GRAMD1B: variants seen among roughly 807,000 people sequenced by gnomAD.
GRAMD1B encodes the protein protein Aster-B.
In GRAMD1B, 37 loss-of-function variants were observed where a neutral mutation model predicts 99.7. The ratio of observed to expected loss-of-function variants is 0.37; its 90% CI spans 0.29 to 0.49. The LOEUF is 0.49. GRAMD1B is among the 20% of genes least tolerant of loss of function. The probability of loss-of-function intolerance (pLI) is 0.98; values close to 1 mark genes in which losing one functional copy is unlikely to be tolerated. For missense variants in GRAMD1B, 888 were observed against 1,009.2 expected, an observed-to-expected ratio of 0.88 and a Z score of 1.63; for synonymous variants, 427 against 387.6, an observed-to-expected ratio of 1.10 and a Z score of -1.19.
At chr11:123,618,188 T>G (rs1484868676) in intron 17 of GRAMD1B, among the ~76,000 whole-genome samples, 3 of 152,202 alleles carry the variant, frequency 2.0e-5, no homozygotes, top group Admixed American at 1.3e-4. Flanking sequence ...CTGTCCTTGC[T>G]GGGTCGTCTC....
chr11:123,484,155 A>C (rs1327110904), intron 2 of GRAMD1B, among the ~76,000 whole-genome samples: 1 of 152,156 alleles, frequency 6.6e-6, no homozygotes, highest in Non-Finnish European at 1.5e-5. Context: ...CTGTGCACCA[A>C]ACATCTCCAG....
intron 1 of GRAMD1B, among the ~76,000 whole-genome samples, chr11:123,392,147 C>T (rs1356930955): frequency 6.6e-6 from 1 of 152,002 alleles, no homozygotes. Flanking sequence ...GTGTGGTACA[C>T]TTGAAGAACA....
At chr11:123,620,472 CAAAAAAAAAAAA>C (rs55787871) in intron 19 of GRAMD1B, among the ~76,000 whole-genome samples, 1 of 69,232 alleles carries the variant, frequency 1.4e-5, no homozygotes, top group Non-Finnish European at 2.5e-5. Flanking sequence ...GACTTCATCT[CAAAAAAAAAAAA>C]AAAAAAAAAA....
chr11:123,495,552 C>A (rs973109811), intron 2 of GRAMD1B, among the ~76,000 whole-genome samples: 2 of 152,168 alleles, frequency 1.3e-5, no homozygotes, highest in African/African-American at 2.4e-5. Flanking sequence ...CACTTCCCCC[C>A]ACTTTTCCAC....
At chr11:123,576,263 CA>C (rs1025069169) in intron 2 of GRAMD1B, among the ~76,000 whole-genome samples, 19 of 152,352 alleles carry the variant, frequency 1.2e-4, no homozygotes, top group African/African-American at 4.3e-4. Context: ...ATGCAGCCTG[CA>C]GGGGGGTCCA....
rs182652861 is a variant in GRAMD1B at position 123,487,606 on chromosome 11, G to C, written c.452+6713G>C. 8.5e-4 allele frequency among the ~76,000 whole-genome samples: 129 copies of C among 152,186 alleles called. 1 individual carries two copies. The highest frequency in any genetic ancestry group is 6.8e-3 in the Middle Eastern group (2 of 294). On this transcript the variant is annotated intron_variant, in intron 2 of 19. Transcript: ENST00000635736. ...ACCAGTAAGTTACGTTTTTTTGTTT[G>C]TTTGATTTTGTTTTTTTAGAGACAG...
intron 2 of GRAMD1B, among the ~76,000 whole-genome samples, chr11:123,549,448 A>G (rs1945399922): frequency 6.6e-6 from 1 of 152,116 alleles, no homozygotes; most frequent in Non-Finnish European, 1.5e-5. Context: ...AAGCTGAGGC[A>G]GGAGAACGGC....
chr11:123,436,493 A>G (rs74456711), intron 1 of GRAMD1B, among the ~76,000 whole-genome samples: 1 of 152,314 alleles, frequency 6.6e-6, no homozygotes, highest in East Asian at 1.9e-4. Flanking sequence ...ATTTCAATGA[A>G]TCACTCAGTC....
At chr11:123,457,649 G>C (rs909544947) in intron 1 of GRAMD1B, among the ~76,000 whole-genome samples, 6 of 152,210 alleles carry the variant, frequency 3.9e-5, no homozygotes, top group African/African-American at 1.2e-4. Context: ...GCTGGACCCA[G>C]CCTTATGAGC....
At chr11:123,414,464 A>G (rs1338965033) in intron 1 of GRAMD1B, among the ~76,000 whole-genome samples, 2 of 152,012 alleles carry the variant, frequency 1.3e-5, no homozygotes, top group Non-Finnish European at 2.9e-5. Flanking sequence ...TCTTCCAACA[A>G]CCTTCTGTGA....
At chr11:123,493,100 T>C (rs529548418) in intron 2 of GRAMD1B, among the ~76,000 whole-genome samples, 31 of 152,306 alleles carry the variant, frequency 2.0e-4, no homozygotes, top group African/African-American at 7.2e-4. Context: ...TGTGATGTGG[T>C]GCAAGGACAA....
In GRAMD1B at chr11:123,510,102, G is replaced by T. The variant is rs1432250687; in HGVS notation, c.452+29209G>T. ...TCTCCACCTTGCCGTGCCAGGCTCC[G>T]GCTTTGTGGCTCCGGCACTTCCTTG... On this transcript the variant is annotated intron_variant, in intron 2 of 19. Coordinates refer to ENST00000635736, the MANE Select transcript of GRAMD1B (RefSeq NM_001387025.1). This position sits in a 1 kb window ranked among gnomAD's most constrained non-coding sequence, Gnocchi z 4.3. The T allele has an allele frequency of 6.6e-6, 1 of 152,340 alleles. No homozygotes were observed. The highest frequency in any genetic ancestry group is 1.5e-5 in the Non-Finnish European group (1 of 68,174). The allele number at this position is 152,340 out of a possible 1,614,324, so 9.4% of individuals were successfully genotyped here.
At chr11:123,383,444 G>A (rs1946952805) in intron 1 of GRAMD1B, among the ~76,000 whole-genome samples, 1 of 152,166 alleles carries the variant, frequency 6.6e-6, no homozygotes. Flanking sequence ...TGTTGGTAAT[G>A]TTAAACTCCT....
chr11:123,571,225 A>G (rs554863883), intron 2 of GRAMD1B, among the ~76,000 whole-genome samples: 4 of 152,360 alleles, frequency 2.6e-5, no homozygotes, highest in East Asian at 1.9e-4. Context: ...ATGCACGGGT[A>G]GCTGATCAGG....
chr11:123,508,535 G>T (rs894296571), intron 2 of GRAMD1B, among the ~76,000 whole-genome samples: 5 of 152,196 alleles, frequency 3.3e-5, no homozygotes, highest in Non-Finnish European at 7.3e-5. Flanking sequence ...TATTGTTCCT[G>T]TAGTTAAGCC....
intron 1 of GRAMD1B, among the ~76,000 whole-genome samples, chr11:123,433,852 G>T (rs1175177648): frequency 6.6e-6 from 1 of 152,052 alleles, no homozygotes; most frequent in African/African-American, 2.4e-5. Flanking sequence ...GTTGGATTTG[G>T]GGACATATCC....
intron 1 of GRAMD1B, among the ~76,000 whole-genome samples, chr11:123,423,590 C>T (rs992295906): frequency 2.0e-5 from 3 of 152,166 alleles, no homozygotes; most frequent in Non-Finnish European, 4.4e-5. Flanking sequence ...TCTTCTCTGA[C>T]CACTCTACTG....
chr11:123,458,426 G>T (rs891626259), intron 1 of GRAMD1B: 2 of 152,196 alleles, frequency 1.3e-5, no homozygotes, highest in African/African-American at 4.8e-5. Flanking sequence ...CAATGAGGGC[G>T]GATCTTCCGC....
At chr11:123,484,221 T>C (rs551797944) in intron 2 of GRAMD1B, among the ~76,000 whole-genome samples, 4 of 152,254 alleles carry the variant, frequency 2.6e-5, no homozygotes, top group African/African-American at 7.2e-5. Context: ...TTCTACCAGT[T>C]CTATGATTGA....
Sources: allele counts gnomAD v4.1 joint callset (sites outside exome capture counted in the v4.1 genomes callset), GRCh38; gene constraint gnomAD v4.1.1; non-coding constraint Gnocchi (gnomAD v3.1); transcripts MANE v1.5; gene names NCBI Gene and HGNC (gene_info 2026-07-23, HGNC 2026-07-21).